SNTG2: variants seen among roughly 807,000 people sequenced by gnomAD.
SNTG2 encodes syntrophin gamma 2.
Under a neutral mutation model 70.9 loss-of-function variants are expected in SNTG2, and 74 were observed. The ratio of observed to expected loss-of-function variants is 1.04; its 90% CI spans 0.86 to 1.27. SNTG2 has a LOEUF of 1.27. Among genes scored for constraint, SNTG2 ranks in the 50% most tolerant of loss-of-function variants. The pLI is 0.00. For synonymous variants in SNTG2, 278 were observed against 273.8 expected, an observed-to-expected ratio of 1.02 and a Z score of -0.15; for missense variants, 717 against 690.7, an observed-to-expected ratio of 1.04 and a Z score of -0.43.
intron 14 of SNTG2, among the ~76,000 whole-genome samples, chr2:1,284,606 G>A (rs562737113): frequency 6.6e-6 from 1 of 152,038 alleles, no homozygotes; most frequent in Non-Finnish European, 1.5e-5. Flanking sequence ...TGCATATGGG[G>A]CCCTAAAGGA....
At chr2:1,229,523 C>G (rs1265209487) in intron 9 of SNTG2, among the ~76,000 whole-genome samples, 11 of 152,270 alleles carry the variant, frequency 7.2e-5, no homozygotes, top group Non-Finnish European at 2.9e-5. Flanking sequence ...ACTCAGGAGC[C>G]CAGCTGGCTT....
At chr2:1,139,506 G>C (rs989522679) in intron 6 of SNTG2, among the ~76,000 whole-genome samples, 1 of 152,110 alleles carries the variant, frequency 6.6e-6, no homozygotes, top group African/African-American at 2.4e-5. Flanking sequence ...AAAGTGCTGG[G>C]ATTACAGGTG....
chr2:1,366,941 T>C (rs9751398), intron 16 of SNTG2, among the ~76,000 whole-genome samples: 11,518 of 152,192 alleles, frequency 0.076, 1,356 homozygotes, highest in African/African-American at 0.25. Flanking sequence ...AGGGGTCTGC[T>C]GCGACGGGAT....
chr2:1,266,751 C>CTTTTCTTTT (rs1553375846), intron 13 of SNTG2, among the ~76,000 whole-genome samples: 1 of 107,752 alleles, frequency 9.3e-6, no homozygotes, highest in Non-Finnish European at 1.7e-5. Context: ...TCATCTTTAT[C>CTTTTCTTTT]TTTTTTTTTT....
At chr2:1,298,695 T>C (rs1558188274) in intron 14 of SNTG2, among the ~76,000 whole-genome samples, 1 of 152,200 alleles carries the variant, frequency 6.6e-6, no homozygotes, top group Non-Finnish European at 1.5e-5. Flanking sequence ...TGGTTGATAC[T>C]GAGTGTCAAC....
chr2:1,217,145 A>ATAT (rs1333505464), intron 9 of SNTG2, among the ~76,000 whole-genome samples: 1 of 152,170 alleles, frequency 6.6e-6, no homozygotes, highest in Non-Finnish European at 1.5e-5. Flanking sequence ...AAAGACTATA[A>ATAT]AGAGTAGATG....
At chr2:1,282,672 C>T (rs2148209503) in intron 14 of SNTG2, among the ~76,000 whole-genome samples, 1 of 149,254 alleles carries the variant, frequency 6.7e-6, no homozygotes, top group Non-Finnish European at 1.5e-5. Flanking sequence ...CCCGCCCCCA[C>T]GTCAGTGAGC....
chr2:1,205,492 T>C (rs960187646), intron 8 of SNTG2, among the ~76,000 whole-genome samples: 47 of 152,298 alleles, frequency 3.1e-4, no homozygotes, highest in African/African-American at 1.1e-3. Context: ...GGGGAGCTTA[T>C]GCTTGCATGT....
intron 6 of SNTG2, among the ~76,000 whole-genome samples, chr2:1,162,036 T>A (rs193098981): frequency 3.2e-5 from 4 of 125,532 alleles, no homozygotes; most frequent in East Asian, 5.2e-4. Context: ...ATGGCGCCAC[T>A]GCACTCCAGC....
chr2:1,152,370 C>A (rs1457855730), intron 6 of SNTG2, among the ~76,000 whole-genome samples: 2 of 152,212 alleles, frequency 1.3e-5, no homozygotes, highest in African/African-American at 4.8e-5. Context: ...TGTGCACATG[C>A]ATGTACGTGT....
At chr2:1,070,723 G>C (rs1396920610) in intron 1 of SNTG2, among the ~76,000 whole-genome samples, 2 of 152,150 alleles carry the variant, frequency 1.3e-5, no homozygotes, top group East Asian at 3.9e-4. Context: ...TTTAAGGTCC[G>C]GAAAGGAAGC....
intron 4 of SNTG2, among the ~76,000 whole-genome samples, chr2:1,132,563 A>G (rs1668095441): frequency 6.6e-6 from 1 of 152,210 alleles, no homozygotes; most frequent in African/African-American, 2.4e-5. Context: ...TCATCGTGGT[A>G]GTAAGTAAAC....
chr2:973,270 T>C (rs909299013), intron 1 of SNTG2, among the ~76,000 whole-genome samples: 4 of 152,218 alleles, frequency 2.6e-5, no homozygotes, highest in African/African-American at 9.6e-5. Context: ...GCTTTTGTTG[T>C]TCTGAAGGCA....
At chr2:991,287 A>G (rs905528898) in intron 1 of SNTG2, among the ~76,000 whole-genome samples, 5 of 151,872 alleles carry the variant, frequency 3.3e-5, no homozygotes, top group South Asian at 4.2e-4. Context: ...GAATGATTCA[A>G]TTTCCTAAGT....
chr2:1,222,135 GTCTC>G lies in SNTG2; in HGVS notation c.719+12911_719+12914del, dbSNP rs548763936. On this transcript the variant is annotated intron_variant, in intron 9 of 16. Transcript: ENST00000308624. ...TCTCTGTCTCTCTCTGTCTCTCTCTGTCTCTCTCTGTCTCTGCCTATCTCTGTCT... is the reference window on the plus strand; with the variant it reads ...TCTCTGTCTCTCTCTGTCTCTCTCTGTCTCTGTCTCTGCCTATCTCTGTCT... 2.0e-3 allele frequency among the ~76,000 whole-genome samples: 203 copies of G among 103,076 alleles called. 14 individuals carry two copies. The highest frequency in any genetic ancestry group is 9.6e-3 in the Middle Eastern group (2 of 208). The allele number at this position is 103,076 out of a possible 152,430, so 67.6% of individuals were successfully genotyped here. A position where few individuals can be genotyped will look rare whatever the true frequency, so the allele number is the denominator to read the frequency against.
At chr2:1,298,573 G>A (rs12990721) in intron 14 of SNTG2, among the ~76,000 whole-genome samples, 2,573 of 152,190 alleles carry the variant, frequency 0.017, 34 homozygotes, top group East Asian at 0.041. Flanking sequence ...GGTGCCCCTG[G>A]GTGAACACCA....
intron 1 of SNTG2, among the ~76,000 whole-genome samples, chr2:1,075,899 G>A (rs4258828): frequency 0.82 from 124,548 of 152,244 alleles, 51,000 homozygotes; most frequent in Admixed American, 0.89. Flanking sequence ...CACAAATACC[G>A]TCTCATTTAC....
At chr2:1,203,677 T>C (rs1350324971) in intron 8 of SNTG2, among the ~76,000 whole-genome samples, 6 of 64,034 alleles carry the variant, frequency 9.4e-5, no homozygotes, top group African/African-American at 5.3e-5. Flanking sequence ...AAAAAAAATA[T>C]ATATATATAT....
At chr2:1,181,845 C>A (rs541214076) in intron 8 of SNTG2, among the ~76,000 whole-genome samples, 1 of 152,120 alleles carries the variant, frequency 6.6e-6, no homozygotes, top group Admixed American at 6.5e-5. Context: ...GTTTAAGATT[C>A]TAAGTTCATT....
Sources: allele counts gnomAD v4.1 joint callset (sites outside exome capture counted in the v4.1 genomes callset), GRCh38; gene constraint gnomAD v4.1.1; transcripts MANE v1.5; gene names NCBI Gene and HGNC (gene_info 2026-07-23, HGNC 2026-07-21).